COL25A1: variants seen among roughly 807,000 people sequenced by gnomAD.
The protein encoded by COL25A1 is collagen alpha-1(XXV) chain.
Under a neutral mutation model 128.4 loss-of-function variants are expected in COL25A1, and 103 were observed. The observed-to-expected ratio is 0.80, with a 90% CI of 0.68 to 0.94. The LOEUF (loss-of-function observed/expected upper bound fraction) is 0.94. Ranked by LOEUF, COL25A1 falls within the 40% of genes least tolerant of loss-of-function variation. The pLI is 0.00. For missense variants in COL25A1, 745 were observed against 840.0 expected, an observed-to-expected ratio of 0.89 and a Z score of 1.40; for synonymous variants, 279 against 277.2, an observed-to-expected ratio of 1.01 and a Z score of -0.06.
At chr4:109,245,245 A>G (rs1780183730) in intron 3 of COL25A1, among the ~76,000 whole-genome samples, 2 of 152,156 alleles carry the variant, frequency 1.3e-5, no homozygotes, top group Non-Finnish European at 2.9e-5. Flanking sequence ...ATAGACCAAT[A>G]TGGTCCAGTT....
chr4:108,828,347 C>A (rs1732638505), intron 32 of COL25A1, among the ~76,000 whole-genome samples: 1 of 152,048 alleles, frequency 6.6e-6, no homozygotes, highest in African/African-American at 2.4e-5. Flanking sequence ...GTTGGCCGGG[C>A]TGGTCTCGAA....
rs76967125 is a variant in COL25A1 at position 109,056,233 on chromosome 4, C to T, written c.368-6054G>A. ...ATGTGTGAGGGACTATTTTCTTACACATTATTTAACTAATACATGTATTTA... is the reference window on the plus strand; with the variant it reads ...ATGTGTGAGGGACTATTTTCTTACATATTATTTAACTAATACATGTATTTA... On this transcript the variant is annotated intron_variant, in intron 3 of 37. Transcript: ENST00000399132. Among the ~76,000 whole-genome samples the T allele has an allele frequency of 6.0e-3, 906 of 152,108 alleles. 8 individuals carry two copies. The highest frequency in any genetic ancestry group is 0.018 in the African/African-American group (761 of 41,522).
At chr4:109,252,204 C>T (rs754986074) in intron 3 of COL25A1, among the ~76,000 whole-genome samples, 7 of 152,224 alleles carry the variant, frequency 4.6e-5, no homozygotes, top group Non-Finnish European at 1.0e-4. Flanking sequence ...CAAAATGCTG[C>T]CCCTTCTATG....
chr4:109,281,409 CAA>C (rs59962160), intron 3 of COL25A1, among the ~76,000 whole-genome samples: 15,078 of 102,128 alleles, frequency 0.15, 808 homozygotes, highest in East Asian at 0.29. Context: ...CTTAAAATGG[CAA>C]AAAAAAAAAA....
At chr4:109,237,423 G>C (rs1054520441) in intron 3 of COL25A1, among the ~76,000 whole-genome samples, 61 of 151,786 alleles carry the variant, frequency 4.0e-4, no homozygotes, top group African/African-American at 1.5e-3. Context: ...GGAAAATTAG[G>C]GTCCACCCAG....
chr4:109,022,771 T>C (rs1191337381), intron 5 of COL25A1, among the ~76,000 whole-genome samples: 1 of 152,094 alleles, frequency 6.6e-6, no homozygotes, highest in East Asian at 1.9e-4. Flanking sequence ...ATTCTGAAAG[T>C]ATACACCAGA....
chr4:109,098,250 T>C (rs532837672), intron 3 of COL25A1, among the ~76,000 whole-genome samples: 78 of 152,316 alleles, frequency 5.1e-4, no homozygotes, highest in Middle Eastern at 6.8e-3. Flanking sequence ...CTAAGACCCA[T>C]ACTGTCTTGT....
rs1237045576 is a variant in COL25A1 at position 109,300,759 on chromosome 4, A to G, written c.298-107T>C. 33 of 734,288 alleles carry G rather than the reference A, an allele frequency of 4.5e-5. No individual in the cohort carries two copies. The East Asian group carries it at 8.4e-4, about 19-fold the overall frequency. 45.5% of individuals were successfully genotyped at this position (734,288 alleles called of 1,614,324 possible). On this transcript the variant is annotated intron_variant, in intron 2 of 37. Transcript: ENST00000399132. The stretch of plus-strand genomic sequence containing the variant: ...GATTTACCGGCATTTCATAACCTGC[A>G]TAACTAACATTTACATATGTACTTG...
chr4:108,846,569 G>T (rs780071943), intron 27 of COL25A1, among the ~76,000 whole-genome samples: 166 of 152,200 alleles, frequency 1.1e-3, no homozygotes, highest in Non-Finnish European at 1.3e-3. Flanking sequence ...AACAATACAG[G>T]ATGTATTTTG....
At chr4:108,814,890 G>T (rs1731105919) in intron 37 of COL25A1, among the ~76,000 whole-genome samples, 1 of 152,154 alleles carries the variant, frequency 6.6e-6, no homozygotes, top group Admixed American at 6.6e-5. Context: ...AATGCATGGA[G>T]TCATCTTTAA....
chr4:108,973,876 C>G (rs2125987996), intron 8 of COL25A1, among the ~76,000 whole-genome samples: 1 of 152,258 alleles, frequency 6.6e-6, no homozygotes, highest in South Asian at 2.1e-4. Context: ...GCTTAAAAAT[C>G]TATAAAAACT....
chr4:108,885,387 T>G, intron 18 of COL25A1, among the ~76,000 whole-genome samples: 1 of 152,206 alleles, frequency 6.6e-6, no homozygotes, highest in East Asian at 1.9e-4. Context: ...AATGGTTTTC[T>G]TGATGATTTA....
intron 3 of COL25A1, among the ~76,000 whole-genome samples, chr4:109,197,509 A>ATTATAT (rs1183552902): frequency 6.1e-5 from 8 of 130,914 alleles, no homozygotes; most frequent in African/African-American, 1.7e-4. Context: ...TATATTATAT[A>ATTATAT]ATATTTATAT....
rs745771602 is a variant in COL25A1 at position 109,050,149 on chromosome 4, C to T, written c.398G>A (p.Arg133Gln). 1.6e-5 allele frequency: 25 copies of T among 1,608,776 alleles called. No homozygotes were observed. The highest frequency in any genetic ancestry group is 3.3e-4 in the Middle Eastern group (2 of 6,054). Reference protein sequence around the residue: ...GPPGKRGKRGRRGESGPPGQP... With the variant: ...GPPGKRGKRGQRGESGPPGQP... Reference sequence around the variant, plus strand: ...GAGAGACTTACCAGATTCTCCTCTTCGGCCTCTCTTACCTCGTTTCCCTGG... The same window carrying T: ...GAGAGACTTACCAGATTCTCCTCTTTGGCCTCTCTTACCTCGTTTCCCTGG... The change falls in exon 4 of 38, where the codon CGA becomes CAA. Residue 133 changes from arginine (R) to glutamine (Q), a missense_variant. Physicochemically the swap from Arg to Gln is conservative, Grantham distance 43. Coordinates refer to ENST00000399132, the MANE Select transcript of COL25A1 (RefSeq NM_198721.4).
At chr4:109,244,803 A>G (rs965386313) in intron 3 of COL25A1, among the ~76,000 whole-genome samples, 3 of 152,182 alleles carry the variant, frequency 2.0e-5, no homozygotes, top group Admixed American at 6.5e-5. Flanking sequence ...AAGGGCATGA[A>G]GCAAATCTTT....
In COL25A1 at chr4:109,295,391, T is replaced by C. The variant is rs11930624; in HGVS notation, c.367+5192A>G. Among the ~76,000 whole-genome samples, 179 of 152,176 alleles carry C rather than the reference T, an allele frequency of 1.2e-3. 4 individuals carry two copies. The highest frequency in any genetic ancestry group is 4.2e-3 in the African/African-American group (175 of 41,540). On this transcript the variant is annotated intron_variant, in intron 3 of 37. Coordinates refer to ENST00000399132, the MANE Select transcript of COL25A1 (RefSeq NM_198721.4). ...TGCTTGAAGGCACTCAGATGTCACA[T>C]TGTATTGTTTGGCCTTATAAGAAGA... is the stretch of plus-strand genomic sequence containing the variant.
At chr4:109,126,409 T>G (rs1033970580) in intron 3 of COL25A1, among the ~76,000 whole-genome samples, 2 of 152,194 alleles carry the variant, frequency 1.3e-5, no homozygotes, top group African/African-American at 4.8e-5. Context: ...AAACCTGGTC[T>G]GCTTTGACTT....
intron 24 of COL25A1, among the ~76,000 whole-genome samples, chr4:108,856,782 A>G (rs1279611257): frequency 6.6e-6 from 1 of 152,142 alleles, no homozygotes; most frequent in East Asian, 1.9e-4. Flanking sequence ...ATATCGTTTC[A>G]TATTGAAATA....
intron 6 of COL25A1, among the ~76,000 whole-genome samples, chr4:108,977,950 T>A (rs1446226201): frequency 6.6e-6 from 1 of 152,226 alleles, no homozygotes; most frequent in African/African-American, 2.4e-5. Flanking sequence ...TCTCCCATTG[T>A]ACCAGTCCTC....
Sources: allele counts gnomAD v4.1 joint callset (sites outside exome capture counted in the v4.1 genomes callset), GRCh38; gene constraint gnomAD v4.1.1; transcripts MANE v1.5; gene names NCBI Gene and HGNC (gene_info 2026-07-23, HGNC 2026-07-21).